The following CCDC14 variants were observed in gnomAD, a reference collection of about 807,000 sequenced individuals.
The protein encoded by CCDC14 is coiled-coil domain containing 14.
In CCDC14, 71 loss-of-function variants were observed where a neutral mutation model predicts 81.4. The observed-to-expected ratio is 0.87, with a 90% confidence interval of 0.72 to 1.06. The LOEUF (loss-of-function observed/expected upper bound fraction) is 1.06. Among genes scored for constraint, CCDC14 ranks in the 50% least tolerant of loss-of-function variants. The pLI is 0.00. For missense variants in CCDC14, 1,046 were observed against 1,047.3 expected (o/e 1.00, Z 0.02); for synonymous variants, 332 against 364.8 (o/e 0.91, Z 1.03).
chr3:123,934,270 C>CA (rs61094944), intron 9 of CCDC14, among the ~76,000 whole-genome samples: 6,088 of 52,146 alleles, frequency 0.12, 864 homozygotes, highest in Middle Eastern at 0.17. Context: ...GACTCTGCCT[C>CA]AAAAAAAAAA....
At position 123,931,425 on chromosome 3, in the gene CCDC14, C is replaced by T. The variant is rs1233900748; in HGVS notation, c.1528G>A (p.Val510Met). Residue 510 changes from valine to methionine, a missense_variant, in exon 11 of 13, where the codon GTG (valine) becomes ATG (methionine). Transcript: ENST00000409697. ...TTTTCATCTTTCTGATTTTCAATCACTTTTAACAGCTCTTCATTTTTACTC... is the reference window on the plus strand; with the variant it reads ...TTTTCATCTTTCTGATTTTCAATCATTTTTAACAGCTCTTCATTTTTACTC... ...LQSKNEELLK[V>M]IENQKDENKK... The T allele has an allele frequency of 6.4e-7, 1 of 1,559,626 alleles. No individual in the cohort carries two copies. The highest frequency in any genetic ancestry group is 8.7e-7 in the Non-Finnish European group (1 of 1,149,042).
At chr3:123,886,703 C>G in the CCDC14 span, among the ~76,000 whole-genome samples, 43 of 152,202 alleles carry the variant, frequency 2.8e-4, no homozygotes, top group South Asian at 7.3e-3. Flanking sequence ...GCCAGAAGCT[C>G]TAGTTTCTTT....
At chr3:123,904,488 T>A (rs1281480442) in intron 5 of CCDC14, among the ~76,000 whole-genome samples, 1 of 152,188 alleles carries the variant, frequency 6.6e-6, no homozygotes, top group African/African-American at 2.4e-5. Flanking sequence ...ATTACTTGTG[T>A]ATTTTTATGT....
rs139335396 is a variant in CCDC14, at chr3:123,921,088, T to A, written c.1779-5370A>T. On this transcript the variant is annotated intron_variant, in intron 12 of 12. Transcript: ENST00000409697. ...ATGAAAAGGATTCAAAGCATACCAT[T>A]ACAGAAAACCATCAAACCACAAAGG... is the stretch of plus-strand genomic sequence containing the variant. Among the ~76,000 whole-genome samples, 49 of 152,190 alleles carry A rather than the reference T, an allele frequency of 3.2e-4. No homozygotes were observed. The East Asian group carries it at 8.7e-3, about 27-fold the overall frequency.
intron 9 of CCDC14, among the ~76,000 whole-genome samples, chr3:123,934,010 C>T (rs1009692939): frequency 4.6e-5 from 7 of 152,074 alleles, no homozygotes; most frequent in East Asian, 1.9e-4. Flanking sequence ...CGGTGGCTCA[C>T]GCCTGTAATC....
chr3:123,906,063 C>T (rs1173743068), intron 5 of CCDC14, among the ~76,000 whole-genome samples: 1 of 152,172 alleles, frequency 6.6e-6, no homozygotes, highest in Middle Eastern at 3.2e-3. Flanking sequence ...GGGCGCAGTG[C>T]TCACGCCTGT....
In CCDC14 at chr3:123,913,722, G is replaced by A. The variant is rs2034507906; in HGVS notation, c.*1057C>T. On this transcript the variant is annotated 3_prime_UTR_variant, in exon 13 of 13. Transcript: ENST00000409697. ...AAACAAAAAACACGAGGAGGTTCTG[G>A]GATTAGGAGAACACTCTTTAATGAT... 1.0e-6 allele frequency: 1 copy of A among 984,226 alleles called. No individual in the cohort carries two copies. Among genetic ancestry groups the A allele is most frequent in the African/African-American group, 1.8e-5 (1 of 56,998 alleles). The allele number at this position is 984,226 out of a possible 1,614,324, so 61.0% of individuals were successfully genotyped here.
intron 5 of CCDC14, chr3:123,955,192 C>CTA (rs1448891272): frequency 6.6e-5 from 10 of 152,152 alleles, no homozygotes; most frequent in African/African-American, 2.2e-4. Flanking sequence ...ATAGAACTGG[C>CTA]TAGTCTAATT....
chr3:123,945,074 TTTATAGATATGTACATTCTTG>T (rs2036551308), intron 8 of CCDC14, 84 bp from the exon 9 acceptor site: 13 of 751,114 alleles, frequency 1.7e-5, no homozygotes, highest in Non-Finnish European at 2.6e-5. Flanking sequence ...AAAGAAAATC[TTTATAGATATGTACATTCTTG>T]TTATAAATTC....
chr3:123,945,663 G>A (rs751153123), intron 8 of CCDC14, among the ~76,000 whole-genome samples: 15 of 152,046 alleles, frequency 9.9e-5, no homozygotes, highest in Non-Finnish European at 1.6e-4. Flanking sequence ...TATTTACTAC[G>A]GGCTGAAAGT....
intron 9 of CCDC14, among the ~76,000 whole-genome samples, chr3:123,939,364 A>C (rs998273606): frequency 2.3e-4 from 35 of 151,100 alleles, no homozygotes; most frequent in African/African-American, 7.8e-4. Flanking sequence ...GTAGTAACTT[A>C]ACCAGCATAT....
downstream of CCDC14, among the ~76,000 whole-genome samples, chr3:123,896,269 C>T (rs1425298023): frequency 1.3e-5 from 2 of 152,130 alleles, no homozygotes; most frequent in Non-Finnish European, 2.9e-5. Flanking sequence ...CCCCGGACTG[C>T]CCTGGGACTC....
At position 123,915,667 on chromosome 3, in the gene CCDC14, ACT is replaced by A; in HGVS notation, c.1828_1829del (p.Ser610CysfsTer8). On this transcript the variant is annotated frameshift_variant, in exon 13 of 13. Coordinates refer to ENST00000409697, the MANE Select transcript of CCDC14 (RefSeq NM_001366335.1). LOFTEE classifies it low-confidence loss of function (END_TRUNC). ...AKLLSDLSVD[S>X]ARCKPGNNLT... is the part of the protein sequence containing the mutation. The stretch of plus-strand genomic sequence containing the variant: ...GGTTATTCCCAGGCTTGCAGCGAGC[ACT>A]GTCCACACTAAGATCGGAGAGAAGC... 1 of 1,613,936 alleles carries A rather than the reference ACT, an allele frequency of 6.2e-7. No individual in the cohort carries two copies. The highest frequency in any genetic ancestry group is 8.5e-7 in the Non-Finnish European group (1 of 1,179,858).
At chr3:123,932,236 T>C (rs183788543) in intron 10 of CCDC14, among the ~76,000 whole-genome samples, 1 of 152,290 alleles carries the variant, frequency 6.6e-6, no homozygotes, top group East Asian at 1.9e-4. Flanking sequence ...AACAATAAGA[T>C]AAATGATCAG....
At chr3:123,952,848 T>C (rs1361601775) in intron 5 of CCDC14, 1 of 217,370 alleles carries the variant, frequency 4.6e-6, no homozygotes, top group Non-Finnish European at 1.0e-5. Context: ...TTTTTGAGCA[T>C]TGTGGTAACA....
At chr3:123,916,472 G>GTGTC (rs2148789294) in intron 12 of CCDC14, among the ~76,000 whole-genome samples, 1 of 144,034 alleles carries the variant, frequency 6.9e-6, no homozygotes, top group South Asian at 2.1e-4. Context: ...ATGTGTTTGT[G>GTGTC]TGTGTGTGTG....
downstream of CCDC14, among the ~76,000 whole-genome samples, chr3:123,910,324 C>A (rs1341906841): frequency 6.6e-6 from 1 of 152,128 alleles, no homozygotes; most frequent in Non-Finnish European, 1.5e-5. Flanking sequence ...AAATGACAAT[C>A]TAATGGTCGT....
In CCDC14 at chr3:123,915,266, G is replaced by A; in HGVS notation, c.2231C>T (p.Pro744Leu). The change falls in exon 13 of 13, where the codon CCA becomes CTA. Residue 744 changes from proline (P) to leucine (L), a missense_variant. Transcript: ENST00000409697. ...FARSTPEKKSPLSKRLSPQPQ... is the reference protein window; with the variant it reads ...FARSTPEKKSLLSKRLSPQPQ... ...CTGAGGGGATAGTCTCTTAGAAAGT[G>A]GTGATTTCTTTTCAGGAGTGCTTCT... 2 of 1,613,862 alleles carry A rather than the reference G, an allele frequency of 1.2e-6. No individual in the cohort carries two copies. Among genetic ancestry groups the A allele is most frequent in the African/African-American group, 2.7e-5 (2 of 75,036 alleles).
chr3:123,892,955 C>G (rs2034011456), downstream of CCDC14, among the ~76,000 whole-genome samples: 1 of 151,964 alleles, frequency 6.6e-6, no homozygotes, highest in African/African-American at 2.4e-5. Context: ...TAGGTGCGTG[C>G]CACAACACCT....
Sources: allele counts gnomAD v4.1 joint callset (sites outside exome capture counted in the v4.1 genomes callset), GRCh38; gene constraint gnomAD v4.1.1; transcripts MANE v1.5; gene names NCBI Gene and HGNC (gene_info 2026-07-23, HGNC 2026-07-21).